Variants in SENP5 observed in about 807,000 individuals in gnomAD.
SENP5 encodes the protein SUMO specific peptidase 5.
A neutral mutation model predicts 74.2 loss-of-function variants in SENP5; 21 were observed. That is an observed-to-expected ratio of 0.28 (90% CI 0.20 to 0.41). The LOEUF is 0.41. Ranked by LOEUF, SENP5 falls within the 10% of genes least tolerant of loss-of-function variation. The probability of loss-of-function intolerance (pLI) is 1.00; values close to 1 mark genes in which losing one functional copy is unlikely to be tolerated. For synonymous variants in SENP5, 311 were observed against 312.7 expected, an observed-to-expected ratio of 0.99 and a Z score of 0.06; for missense variants, 717 against 889.1, an observed-to-expected ratio of 0.81 and a Z score of 2.46.
Position 196,900,486 on chromosome 3 carries a change from A to G in SENP5, c.1806+74A>G, listed in dbSNP as rs1229123016. 73 of 1,241,688 alleles carry G rather than the reference A, an allele frequency of 5.9e-5. No homozygotes were observed. The South Asian group carries it at 8.2e-4, about 14-fold the overall frequency. The allele number at this position is 1,241,688 out of a possible 1,614,324, so 76.9% of individuals were successfully genotyped here. A position where few individuals can be genotyped will look rare whatever the true frequency, so the allele number is the denominator to read the frequency against. On this transcript the variant is annotated intron_variant, in intron 5 of 9. Coordinates refer to ENST00000323460, the MANE Select transcript of SENP5 (RefSeq NM_152699.5). Reference sequence around the variant, plus strand: ...AAATGAGTAGTTTTTTTGTTTTTACATTTGATGTAATTATCTGACATTCCT... The same window carrying G: ...AAATGAGTAGTTTTTTTGTTTTTACGTTTGATGTAATTATCTGACATTCCT...
rs1716135299 is a variant in SENP5, at chr3:196,933,743, G to C, written c.*2820G>C. On this transcript the variant is annotated 3_prime_UTR_variant, in exon 10 of 10. Coordinates refer to ENST00000323460, the MANE Select transcript of SENP5 (RefSeq NM_152699.5). Reference sequence around the variant, plus strand: ...AGCTTCCCCAATAGCTGGGACTACAGGTGTGCGCCACCACTCCCAGCTAAT... The same window carrying C: ...AGCTTCCCCAATAGCTGGGACTACACGTGTGCGCCACCACTCCCAGCTAAT... 1 of 152,234 alleles carries C rather than the reference G, an allele frequency of 6.6e-6. No homozygotes were observed. The highest frequency in any genetic ancestry group is 2.4e-5 in the African/African-American group (1 of 41,404). The allele number at this position is 152,234 out of a possible 1,614,324, so 9.4% of individuals were successfully genotyped here. A position where few individuals can be genotyped will look rare whatever the true frequency, so the allele number is the denominator to read the frequency against.
intron 6 of SENP5, among the ~76,000 whole-genome samples, chr3:196,904,595 C>G (rs1240427721): frequency 3.3e-5 from 5 of 151,932 alleles, no homozygotes; most frequent in Non-Finnish European, 7.4e-5. Flanking sequence ...TGAGATCAGC[C>G]TGGCCAATGT....
chr3:196,903,432 T>A (rs1714780697), intron 5 of SENP5, 101 bp from the exon 6 acceptor site: 2 of 657,178 alleles, frequency 3.0e-6, no homozygotes, highest in Non-Finnish European at 5.0e-6. Context: ...CCTTCCTTTT[T>A]GTCTGCTTTA....
At chr3:196,883,976 G>T (rs1289552208) in intron 1 of SENP5, among the ~76,000 whole-genome samples, 1 of 152,144 alleles carries the variant, frequency 6.6e-6, no homozygotes, top group African/African-American at 2.4e-5. Flanking sequence ...ACAGGCATGG[G>T]CCACCACACC....
chr3:196,877,904 G>C (rs182746961), intron 1 of SENP5, among the ~76,000 whole-genome samples: 86 of 152,206 alleles, frequency 5.7e-4, no homozygotes, highest in Non-Finnish European at 7.3e-4. Flanking sequence ...AACAAAAGTG[G>C]GCTGGTACAT....
chr3:196,874,769 C>T (rs1254250182), intron 1 of SENP5, among the ~76,000 whole-genome samples: 2 of 152,092 alleles, frequency 1.3e-5, no homozygotes, highest in Non-Finnish European at 2.9e-5. Flanking sequence ...ATCCCAGCCA[C>T]TTGGGAGCCT....
chr3:196,881,896 G>GTTTTT (rs11385462), intron 1 of SENP5, among the ~76,000 whole-genome samples: 3 of 109,184 alleles, frequency 2.7e-5, no homozygotes, highest in Non-Finnish European at 3.6e-5. Context: ...GATAGTATTA[G>GTTTTT]TTTTTTTTTT....
rs1716116590 is a variant in SENP5 at position 196,933,301 on chromosome 3, C to CTTA, written c.*2378_*2379insTTA. On this transcript the variant is annotated 3_prime_UTR_variant, in exon 10 of 10. Transcript: ENST00000323460. ...AAAGTGCTGGGATTACAGGCGGGAG[C>CTTA]CACCGTGCCTGGCCAATGTTAAGTA... The CTTA allele has an allele frequency of 6.6e-6, 1 of 152,022 alleles. No homozygotes were observed. Among genetic ancestry groups the CTTA allele is most frequent in the African/African-American group, 2.4e-5 (1 of 41,398 alleles). The allele number at this position is 152,022 out of a possible 1,614,324, so 9.4% of individuals were successfully genotyped here.
At chr3:196,921,918 T>C (rs1331963453) in intron 6 of SENP5, among the ~76,000 whole-genome samples, 1 of 152,176 alleles carries the variant, frequency 6.6e-6, no homozygotes, top group Non-Finnish European at 1.5e-5. Context: ...AGAAGGGAAA[T>C]TGATTCACTC....
rs192775317 is a variant in SENP5 at position 196,920,380 on chromosome 3, G to A, written c.1885-3034G>A. On this transcript the variant is annotated intron_variant, in intron 6 of 9. Transcript: ENST00000323460. Reference sequence around the variant, plus strand: ...GTATATAGAAATACAGTTGATTTCTGTATTTTGACTTTGTATCCTCTGACC... The same window carrying A: ...GTATATAGAAATACAGTTGATTTCTATATTTTGACTTTGTATCCTCTGACC... 3.7e-4 allele frequency among the ~76,000 whole-genome samples: 56 copies of A among 152,272 alleles called. No homozygotes were observed. In the East Asian group the frequency reaches 0.01, roughly 28 times the overall value.
At chr3:196,893,972 A>G (rs1714325618) in intron 2 of SENP5, among the ~76,000 whole-genome samples, 1 of 152,020 alleles carries the variant, frequency 6.6e-6, no homozygotes, top group African/African-American at 2.4e-5. Context: ...TTGAAAGTCC[A>G]GAAGGAATTA....
chr3:196,868,558 A>T (rs7433167), intron 1 of SENP5, among the ~76,000 whole-genome samples: 110,140 of 152,172 alleles, frequency 0.72, 40,207 homozygotes, highest in East Asian at 0.88. Context: ...GTCTGCTCTG[A>T]GCGGTATCAG....
At chr3:196,893,292 T>C (rs1714292840) in intron 2 of SENP5, among the ~76,000 whole-genome samples, 1 of 152,222 alleles carries the variant, frequency 6.6e-6, no homozygotes, top group Non-Finnish European at 1.5e-5. Flanking sequence ...TTGCCCATAA[T>C]AGGAAGCTCA....
intron 6 of SENP5, chr3:196,914,586 AATATATAT>A (rs55692471): frequency 2.7e-4 from 9 of 33,492 alleles, no homozygotes; most frequent in Middle Eastern, 0.018. Context: ...AAAAAAAAAA[AATATATAT>A]ATATATATAT....
chr3:196,888,612 A>G (rs1257713363), intron 2 of SENP5, among the ~76,000 whole-genome samples: 1 of 151,828 alleles, frequency 6.6e-6, no homozygotes, highest in African/African-American at 2.4e-5. Context: ...AAAAGTGAAA[A>G]CAGTAAGTTG....
intron 6 of SENP5, among the ~76,000 whole-genome samples, chr3:196,910,902 C>T (rs1463667443): frequency 6.6e-6 from 1 of 152,048 alleles, no homozygotes; most frequent in Non-Finnish European, 1.5e-5. Flanking sequence ...AGAACAGAGA[C>T]CTCAGAAATA....
At chr3:196,928,603 T>C (rs1715905296) in intron 8 of SENP5, among the ~76,000 whole-genome samples, 1 of 152,218 alleles carries the variant, frequency 6.6e-6, no homozygotes, top group Non-Finnish European at 1.5e-5. Context: ...AGTCAGGTCC[T>C]TGAACACAGG....
intron 6 of SENP5, chr3:196,905,083 A>T (rs1293057443): frequency 6.6e-6 from 1 of 152,130 alleles, no homozygotes; most frequent in Non-Finnish European, 1.5e-5. Flanking sequence ...TATTTTTAAT[A>T]GAGACGGGAT....
At chr3:196,913,169 A>G (rs1342535235) in intron 6 of SENP5, 1 of 152,246 alleles carries the variant, frequency 6.6e-6, no homozygotes, top group Non-Finnish European at 1.5e-5. Context: ...CAATAAAGAC[A>G]TATACAAAAA....
Sources: gnomAD v4.1 joint callset for allele counts (sites outside exome capture counted in the v4.1 genomes callset) on GRCh38, gnomAD v4.1.1 for gene constraint, MANE v1.5 for transcripts, NCBI Gene and HGNC (gene_info 2026-07-23, HGNC 2026-07-21) for gene names.